Variants in LRRC4C observed in about 807,000 individuals in gnomAD.
LRRC4C encodes the protein leucine-rich repeat-containing protein 4C.
In LRRC4C, 5 loss-of-function variants were observed where a neutral mutation model predicts 33.6. That is an observed-to-expected ratio of 0.15 (90% confidence interval 0.08 to 0.31). The LOEUF is 0.31. LRRC4C is among the 10% of genes least tolerant of loss of function. LRRC4C has a pLI of 1.00. For synonymous variants in LRRC4C, 329 were observed against 302.0 expected (o/e 1.09, Z -0.93); for missense variants, 560 against 796.7 (o/e 0.70, Z 3.58).
chr11:41,430,968 T>G (rs1004936117), intron 1 of LRRC4C, among the ~76,000 whole-genome samples: 1 of 152,132 alleles, frequency 6.6e-6, no homozygotes, highest in African/African-American at 2.4e-5. Flanking sequence ...TGCATTGTTG[T>G]GGCACTACTC....
intron 3 of LRRC4C, among the ~76,000 whole-genome samples, chr11:40,452,268 T>C (rs1399685562): frequency 6.6e-6 from 1 of 152,102 alleles, no homozygotes; most frequent in Non-Finnish European, 1.5e-5. Flanking sequence ...AGAAAATTTT[T>C]GCAGTCTACT....
intron 1 of LRRC4C, among the ~76,000 whole-genome samples, chr11:41,350,932 C>T (rs573518717): frequency 3.3e-5 from 5 of 152,258 alleles, no homozygotes; most frequent in African/African-American, 1.2e-4. Context: ...TCAACTCAGT[C>T]ACACAAAAAT....
chr11:40,441,374 G>C (rs10837413), intron 3 of LRRC4C, among the ~76,000 whole-genome samples: 55,333 of 152,038 alleles, frequency 0.36, 10,721 homozygotes, highest in East Asian at 0.53. Flanking sequence ...AAGAGTAGAT[G>C]CAAAGATAAA....
chr11:41,233,418 T>G (rs1947886059), intron 1 of LRRC4C, among the ~76,000 whole-genome samples: 1 of 152,140 alleles, frequency 6.6e-6, no homozygotes, highest in South Asian at 2.1e-4. Flanking sequence ...TTTTAAGATT[T>G]TAGTCATAAA....
intron 1 of LRRC4C, among the ~76,000 whole-genome samples, chr11:41,117,754 C>A (rs1942213984): frequency 6.6e-6 from 1 of 151,962 alleles, no homozygotes; most frequent in South Asian, 2.1e-4. Flanking sequence ...AAAAAATGAA[C>A]AAAATGGTGC....
Position 41,406,755 on chromosome 11 carries a change from C to T in LRRC4C, c.-496+52676G>A, listed in dbSNP as rs190274435. 4.5e-3 allele frequency among the ~76,000 whole-genome samples: 672 copies of T among 147,820 alleles called. 3 individuals are homozygous for T. Among genetic ancestry groups the T allele is most frequent in the Middle Eastern group, 0.014 (4 of 286 alleles). On this transcript the variant is annotated intron_variant, in intron 1 of 6. Transcript: ENST00000528697. ...ACACACACACACACACACACACGCACCCTTAATAAAAGAAAGTAACTTAGG... is the reference window on the plus strand; with the variant it reads ...ACACACACACACACACACACACGCATCCTTAATAAAAGAAAGTAACTTAGG...
At chr11:40,593,411 T>C (rs1431090052) in intron 3 of LRRC4C, among the ~76,000 whole-genome samples, 1 of 152,178 alleles carries the variant, frequency 6.6e-6, no homozygotes, top group Admixed American at 6.5e-5. Flanking sequence ...TGTATTAAGA[T>C]ACACAATTAT....
chr11:40,448,611 T>C (rs971889294), intron 3 of LRRC4C, among the ~76,000 whole-genome samples: 1 of 152,232 alleles, frequency 6.6e-6, no homozygotes, highest in Admixed American at 6.5e-5. Context: ...TAGTATTCCA[T>C]GGTGTATATG....
intron 3 of LRRC4C, among the ~76,000 whole-genome samples, chr11:40,509,546 A>G (rs533962173): frequency 6.6e-6 from 1 of 151,856 alleles, no homozygotes; most frequent in East Asian, 1.9e-4. Context: ...GAGAAAGTCT[A>G]TTTTCACTTG....
rs1043506069 is a variant in LRRC4C at position 40,328,679 on chromosome 11, T to C, written c.-269-8958A>G. Among the ~76,000 whole-genome samples the C allele has an allele frequency of 2.0e-5, 3 of 152,348 alleles. No homozygotes were observed. In the East Asian group the frequency reaches 5.8e-4, roughly 29 times the overall value. On this transcript the variant is annotated intron_variant, in intron 3 of 6. Transcript: ENST00000528697. ...AAAAATTAGTAATCTCACAAGTACT[T>C]GAGTGGTATCACTTTGTAATTTTCC...
At chr11:40,409,519 TA>T (rs993731958) in intron 3 of LRRC4C, among the ~76,000 whole-genome samples, 3 of 151,656 alleles carry the variant, frequency 2.0e-5, no homozygotes, top group African/African-American at 4.8e-5. Context: ...CCAAAGAATA[TA>T]AAAAAACTAA....
At chr11:41,277,490 T>A (rs1274251712) in intron 1 of LRRC4C, among the ~76,000 whole-genome samples, 1 of 152,180 alleles carries the variant, frequency 6.6e-6, no homozygotes, top group Non-Finnish European at 1.5e-5. Flanking sequence ...GAAGTAAGGA[T>A]ATGAGATTAC....
rs1164390788 is a variant in LRRC4C at position 41,094,120 on chromosome 11, GA to G, written c.-495-160398del. Among the ~76,000 whole-genome samples the G allele has an allele frequency of 2.7e-3, 370 of 137,662 alleles. 1 individual carries two copies. The highest frequency in any genetic ancestry group is 7.0e-3 in the African/African-American group (261 of 37,418). 90.3% of individuals were successfully genotyped at this position (137,662 alleles called of 152,430 possible). A position where few individuals can be genotyped will look rare whatever the true frequency, so the allele number is the denominator to read the frequency against. ...GACAGAGCGAGACTCCGTATCGGGG[GA>G]AAAAAAAAAAGTGACAGACTTGACT... On this transcript the variant is annotated intron_variant, in intron 1 of 6. Transcript: ENST00000528697.
chr11:40,758,404 C>A (rs1030209956), intron 2 of LRRC4C, among the ~76,000 whole-genome samples: 42 of 151,996 alleles, frequency 2.8e-4, no homozygotes, highest in African/African-American at 9.4e-4. Flanking sequence ...AATGAAGTTC[C>A]TGTTTTAAGG....
chr11:40,460,617 T>A (rs1207990680), intron 3 of LRRC4C, among the ~76,000 whole-genome samples: 1 of 152,182 alleles, frequency 6.6e-6, no homozygotes, highest in East Asian at 1.9e-4. Context: ...AAATTGGCAG[T>A]AAGCTTTGGG....
chr11:40,447,254 C>G (rs776145575), intron 3 of LRRC4C: 1 of 153,146 alleles, frequency 6.5e-6, no homozygotes, highest in Non-Finnish European at 1.5e-5. Context: ...AAAGCCATAG[C>G]TCTTGAAAGA....
At chr11:40,916,819 G>T (rs1956982789) in intron 2 of LRRC4C, among the ~76,000 whole-genome samples, 1 of 151,888 alleles carries the variant, frequency 6.6e-6, no homozygotes, top group African/African-American at 2.4e-5. Context: ...TAGAAAAATT[G>T]GTTGAGGTTT....
At chr11:41,024,140 C>T (rs1856179583) in intron 1 of LRRC4C, among the ~76,000 whole-genome samples, 1 of 151,582 alleles carries the variant, frequency 6.6e-6, no homozygotes, top group Non-Finnish European at 1.5e-5. Flanking sequence ...AATTTCTTAT[C>T]TAAGTGTAGA....
chr11:41,192,753 C>A (rs932763586), intron 1 of LRRC4C, among the ~76,000 whole-genome samples: 1 of 151,904 alleles, frequency 6.6e-6, no homozygotes, highest in Non-Finnish European at 1.5e-5. Flanking sequence ...CAACTTAAAT[C>A]CAAAGTAAGG....
Sources: gnomAD v4.1 joint callset for allele counts (sites outside exome capture counted in the v4.1 genomes callset) on GRCh38, gnomAD v4.1.1 for gene constraint, MANE v1.5 for transcripts, NCBI Gene and HGNC (gene_info 2026-07-23, HGNC 2026-07-21) for gene names.